CTPS2: variants seen among roughly 807,000 people sequenced by gnomAD.
CTPS2 encodes the protein CTP synthase II.
CTPS2 carries 19 observed loss-of-function variants against 46.8 expected under a neutral mutation model. The observed-to-expected ratio is 0.41, with a 90% CI of 0.28 to 0.60. The LOEUF is 0.60. Ranked by LOEUF, CTPS2 falls within the 20% of genes least tolerant of loss-of-function variation. The probability of loss-of-function intolerance (pLI) is 0.35; values close to 1 mark genes in which losing one functional copy is unlikely to be tolerated. For missense variants in CTPS2, 286 were observed against 447.6 expected (o/e 0.64, Z 3.26); for synonymous variants, 151 against 165.2 (o/e 0.91, Z 0.66).
At chrX:16,679,864 TGAGA>T (rs1922592036) in intron 9 of CTPS2, among the ~76,000 whole-genome samples, 1 of 111,097 alleles carries the variant, frequency 9.0e-6, no homozygotes, top group African/African-American at 3.3e-5. Flanking sequence ...TCCAGAACTG[TGAGA>T]GAGAAATGGC....
In CTPS2 at chrX:16,693,502, C is replaced by A. The variant is rs202212194; in HGVS notation, c.439-15G>T. On this transcript the variant is annotated splice_polypyrimidine_tract_variant and intron_variant, in intron 4 of 18. Coordinates refer to ENST00000359276, the MANE Select transcript of CTPS2 (RefSeq NM_175859.3). ...GTGCCTCCCAGCTGGGAATGGAAAA[C>A]AAACAAAAAAAGACACAAATGACCA... 96 of 1,085,776 alleles carry A rather than the reference C, an allele frequency of 8.8e-5. 1 individual carries two copies. In the African/African-American group the frequency reaches 1.5e-3, roughly 17 times the overall value. The allele number at this position is 1,085,776 out of a possible 1,213,427, so 89.5% of individuals were successfully genotyped here. A position where few individuals can be genotyped will look rare whatever the true frequency, so the allele number is the denominator to read the frequency against.
At chrX:16,589,825 C>T (rs1378914487) in intron 18 of CTPS2, 50 bp from the exon 19 acceptor site, 4 of 112,369 alleles carry the variant, frequency 3.6e-5, no homozygotes, top group Non-Finnish European at 5.6e-5. Context: ...CTGAATAATA[C>T]AAGTCTTTCA....
chrX:16,680,388 G>A (rs1346506468), intron 9 of CTPS2, among the ~76,000 whole-genome samples: 1 of 108,228 alleles, frequency 9.2e-6, no homozygotes, highest in Non-Finnish European at 1.9e-5. Flanking sequence ...ACAAAACCCT[G>A]TCTCTACTAA....
intron 17 of CTPS2, among the ~76,000 whole-genome samples, chrX:16,597,601 G>C (rs1336931686): frequency 8.9e-6 from 1 of 111,890 alleles, no homozygotes; most frequent in African/African-American, 3.3e-5. Flanking sequence ...CTGTAGCCTT[G>C]CAGTATAGTT....
intron 8 of CTPS2, among the ~76,000 whole-genome samples, chrX:16,684,265 C>G (rs1405524258): frequency 9.0e-6 from 1 of 110,678 alleles, no homozygotes; most frequent in African/African-American, 3.3e-5. Flanking sequence ...TCCCAGCACT[C>G]TGAGAGGCCA....
intron 13 of CTPS2, among the ~76,000 whole-genome samples, chrX:16,664,830 G>A (rs916571812): frequency 9.0e-6 from 1 of 111,608 alleles, no homozygotes; most frequent in Non-Finnish European, 1.9e-5. Context: ...CACCTAGTGG[G>A]CAGGAGCTCC....
chrX:16,617,433 C>A (rs1043609603), intron 15 of CTPS2, among the ~76,000 whole-genome samples, 187 bp from the exon 16 acceptor site: 10 of 111,627 alleles, frequency 9.0e-5, no homozygotes, highest in African/African-American at 3.3e-4. Context: ...AACCACAGCA[C>A]CTAAATCTAG....
intron 10 of CTPS2, among the ~76,000 whole-genome samples, chrX:16,670,892 T>C (rs755438290): frequency 9.0e-6 from 1 of 111,562 alleles, no homozygotes; most frequent in East Asian, 2.8e-4. Context: ...GACCTCAATA[T>C]ATATTTTACG....
At chrX:16,704,217 C>A (rs750112657) in intron 1 of CTPS2, among the ~76,000 whole-genome samples, 1 of 111,687 alleles carries the variant, frequency 9.0e-6, no homozygotes, top group Admixed American at 9.6e-5. Context: ...GGATCACAGG[C>A]GTGAGCTACC....
intron 13 of CTPS2, chrX:16,651,158 A>T: frequency 1.2e-6 from 1 of 851,413 alleles, no homozygotes; most frequent in South Asian, 2.0e-5. Context: ...GGCCATCCGC[A>T]GAGCCCACTT....
chrX:16,635,773 T>C (rs1327786028), intron 14 of CTPS2, among the ~76,000 whole-genome samples: 1 of 112,581 alleles, frequency 8.9e-6, no homozygotes, highest in African/African-American at 3.2e-5. Flanking sequence ...TTCTTATCTC[T>C]GGCACAGCCT....
intron 13 of CTPS2, among the ~76,000 whole-genome samples, chrX:16,658,240 C>T (rs1262714459): frequency 9.2e-6 from 1 of 109,250 alleles, no homozygotes; most frequent in African/African-American, 3.3e-5. Flanking sequence ...TTCTAACCCA[C>T]CAAGAAACAG....
chrX:16,662,559 C>T (rs1039643082), intron 13 of CTPS2, among the ~76,000 whole-genome samples: 4 of 110,905 alleles, frequency 3.6e-5, no homozygotes, highest in African/African-American at 1.3e-4. Context: ...ATAGAAGGCT[C>T]CTGGTTTCCA....
At chrX:16,694,327 C>T (rs1459346155) in intron 4 of CTPS2, among the ~76,000 whole-genome samples, 1 of 111,011 alleles carries the variant, frequency 9.0e-6, no homozygotes, top group African/African-American at 3.3e-5. Flanking sequence ...TTAAGCCCTC[C>T]TACCCTCCTT....
chrX:16,696,114 T>C (rs1318486580), intron 4 of CTPS2, among the ~76,000 whole-genome samples: 2 of 112,467 alleles, frequency 1.8e-5, no homozygotes, highest in Non-Finnish European at 3.7e-5. Flanking sequence ...TAACTCGTAC[T>C]AATATAAATA....
At chrX:16,648,038 G>A (rs1057127809) in intron 13 of CTPS2, among the ~76,000 whole-genome samples, 1 of 111,854 alleles carries the variant, frequency 8.9e-6, no homozygotes, top group Admixed American at 9.5e-5. Context: ...TGGAGGTTGA[G>A]GCTGCAGTGA....
chrX:16,653,587 G>A (rs936944627), intron 13 of CTPS2, among the ~76,000 whole-genome samples: 1 of 111,709 alleles, frequency 9.0e-6, no homozygotes, highest in Non-Finnish European at 1.9e-5. Context: ...TCCAGCCTGG[G>A]TGACAGAGCA....
intron 13 of CTPS2, among the ~76,000 whole-genome samples, chrX:16,645,351 T>C (rs758093849): frequency 9.1e-6 from 1 of 110,338 alleles, no homozygotes; most frequent in East Asian, 2.8e-4. Context: ...AAGGGATGGG[T>C]CAGTGGGCCA....
At chrX:16,679,476 AG>A (rs1922562129) in intron 9 of CTPS2, among the ~76,000 whole-genome samples, 1 of 111,931 alleles carries the variant, frequency 8.9e-6, no homozygotes, top group Non-Finnish European at 1.9e-5. Context: ...CCCTCAAAAA[AG>A]GCCCCACCCA....
Sources: gnomAD v4.1 joint callset for allele counts (sites outside exome capture counted in the v4.1 genomes callset) on GRCh38, gnomAD v4.1.1 for gene constraint, MANE v1.5 for transcripts, NCBI Gene and HGNC (gene_info 2026-07-23, HGNC 2026-07-21) for gene names.